SLC45A1: variants seen among roughly 807,000 people sequenced by gnomAD.
SLC45A1 encodes the protein solute carrier family 45 member 1, also known as proton-associated sugar transporter A.
In SLC45A1, 28 loss-of-function variants were observed where a neutral mutation model predicts 57.6. The ratio of observed to expected loss-of-function variants is 0.49; its 90% CI spans 0.36 to 0.67. The LOEUF (loss-of-function observed/expected upper bound fraction) is 0.67, where lower values mean the gene tolerates loss of function less well. Among genes scored for constraint, SLC45A1 ranks in the 30% least tolerant of loss-of-function variants. SLC45A1 has a pLI of 0.00. For missense variants in SLC45A1, 814 were observed against 1,041.5 expected (o/e 0.78, Z 3.01); for synonymous variants, 459 against 471.5 (o/e 0.97, Z 0.34).
chr1:8,327,655 A>G lies in SLC45A1; in HGVS notation c.715+1613A>G, dbSNP rs1640242599. Among the ~76,000 whole-genome samples the G allele has an allele frequency of 6.6e-6, 1 of 152,226 alleles. No individual in the cohort carries two copies. Among genetic ancestry groups the G allele is most frequent in the Non-Finnish European group, 1.5e-5 (1 of 68,048 alleles). ...ACCCCATCTCTAAAAACATAAGATT[A>G]AATAAATAAATAACTCTAGCTTGTC... On this transcript the variant is annotated intron_variant, in intron 4 of 8. Coordinates refer to ENST00000471889, the MANE Select transcript of SLC45A1 (RefSeq NM_001080397.3). The surrounding 1 kb of genome is among the most constrained non-coding windows in gnomAD (Gnocchi z 4.3).
intron 6 of SLC45A1, 101 bp from the exon 7 acceptor site, chr1:8,337,715 G>A: frequency 2.6e-6 from 3 of 1,164,056 alleles, no homozygotes; most frequent in Non-Finnish European, 3.7e-6. Flanking sequence ...ACCACGCCCA[G>A]CTGCTCATTA....
At chr1:8,322,183 A>G (rs865797928) in intron 1 of SLC45A1, among the ~76,000 whole-genome samples, 52 of 7,352 alleles carry the variant, frequency 7.1e-3, no homozygotes, top group East Asian at 0.037. Flanking sequence ...GGGTGGGTGG[A>G]TGGATGGATG....
chr1:8,341,908 T>A (rs1640830760), intron 8 of SLC45A1, among the ~76,000 whole-genome samples: 1 of 137,898 alleles, frequency 7.3e-6, no homozygotes. Flanking sequence ...TGACAGTGGC[T>A]ATGTAAATAA....
chr1:8,319,953 G>A (rs55919043), intron 1 of SLC45A1, among the ~76,000 whole-genome samples: 1 of 152,100 alleles, frequency 6.6e-6, no homozygotes, highest in Non-Finnish European at 1.5e-5. Context: ...CCTGAGCTCA[G>A]GTGATCCACC....
chr1:8,320,960 C>T (rs534710619), intron 1 of SLC45A1, among the ~76,000 whole-genome samples: 27 of 152,128 alleles, frequency 1.8e-4, no homozygotes, highest in South Asian at 6.2e-4. Context: ...GACCTTTGGG[C>T]GGAGTCCGAT....
chr1:8,320,997 G>C (rs1201345846), intron 1 of SLC45A1, among the ~76,000 whole-genome samples: 2 of 152,072 alleles, frequency 1.3e-5, no homozygotes, highest in Non-Finnish European at 2.9e-5. Flanking sequence ...CCTGTGCTGG[G>C]TCTCGCCTCT....
chr1:8,329,576 G>A (rs1311804254), intron 4 of SLC45A1, among the ~76,000 whole-genome samples: 1 of 152,242 alleles, frequency 6.6e-6, no homozygotes, highest in African/African-American at 2.4e-5. Flanking sequence ...ACAGTTTCCT[G>A]CCATGCTCTG....
At position 8,330,921 on chromosome 1, in the gene SLC45A1, G is replaced by T; in HGVS notation, c.1428G>T (p.Val476=). ...GGPETSRRRN[V]TFSQQVANIL... ...CCGAAACCAGCAGGAGAAGGAATGT[G>T]ACCTTCAGTCAGCAGGTAACAGCAA... Residue 476 remains valine, a synonymous_variant, in exon 5 of 9, where the codon GTG becomes GTT. Coordinates refer to ENST00000471889, the MANE Select transcript of SLC45A1 (RefSeq NM_001080397.3). The surrounding 1 kb of genome is among the most constrained non-coding windows in gnomAD (Gnocchi z 8.4). 3 of 1,592,648 alleles carry T rather than the reference G, an allele frequency of 1.9e-6. No individual in the cohort carries two copies. The highest frequency in any genetic ancestry group is 2.6e-6 in the Non-Finnish European group (3 of 1,165,614).
In SLC45A1 at chr1:8,325,275, AC is replaced by A; in HGVS notation, c.398-21del. 1 of 1,568,588 alleles carries A rather than the reference AC, an allele frequency of 6.4e-7. No homozygotes were observed. Among genetic ancestry groups the A allele is most frequent in the Non-Finnish European group, 8.8e-7 (1 of 1,140,034 alleles). The stretch of plus-strand genomic sequence containing the variant: ...ATGTGCCATGGGGACCCTGGCAATG[AC>A]CGCTGGCCTGCTCTGTTTCAGGATT... On this transcript the variant is annotated intron_variant, in intron 2 of 8. Coordinates refer to ENST00000471889, the MANE Select transcript of SLC45A1 (RefSeq NM_001080397.3). This position sits in a 1 kb window ranked among gnomAD's most constrained non-coding sequence, Gnocchi z 6.3.
rs1234130718 is a variant in SLC45A1 at position 8,335,071 on chromosome 1, C to T, written c.1444-366C>T. On this transcript the variant is annotated intron_variant, in intron 5 of 8. Coordinates refer to ENST00000471889, the MANE Select transcript of SLC45A1 (RefSeq NM_001080397.3). This position sits in a 1 kb window ranked among gnomAD's most constrained non-coding sequence, Gnocchi z 4.1. The stretch of plus-strand genomic sequence containing the variant: ...ATAAGTCGTTCCCAGTCTTCTTTTA[C>T]AAAAAAGAAAGGACTTCCTAGGCGT... 6.6e-6 allele frequency among the ~76,000 whole-genome samples: 1 copy of T among 152,108 alleles called. No individual in the cohort carries two copies. The highest frequency in any genetic ancestry group is 2.4e-5 in the African/African-American group (1 of 41,422).
At chr1:8,331,021 C>A in intron 5 of SLC45A1, 85 bp downstream of exon 5, 12 of 1,468,002 alleles carry the variant, frequency 8.2e-6, no homozygotes, top group East Asian at 2.3e-5. Flanking sequence ...GAGGGAGAGT[C>A]CCTCCAGGAA....
In SLC45A1 at chr1:8,328,043, TTAAAA is replaced by T. The variant is rs562677623; in HGVS notation, c.715+2014_715+2018del. The T allele has an allele frequency of 6.6e-6, 1 of 151,986 alleles. No individual in the cohort carries two copies. The highest frequency in any genetic ancestry group is 1.5e-5 in the Non-Finnish European group (1 of 68,024). The allele number at this position is 151,986 out of a possible 1,614,324, so 9.4% of individuals were successfully genotyped here. On this transcript the variant is annotated intron_variant, in intron 4 of 8. Transcript: ENST00000471889. This position sits in a 1 kb window ranked among gnomAD's most constrained non-coding sequence, Gnocchi z 4.6. ...GAGACTTCATCTCAAAATAAATAAA[TTAAAA>T]TAAAATAAAATAGCAATTGGCTGGG...
At position 8,334,312 on chromosome 1, in the gene SLC45A1, C is replaced by T. The variant is rs988023615; in HGVS notation, c.1444-1125C>T. On this transcript the variant is annotated intron_variant, in intron 5 of 8. Coordinates refer to ENST00000471889, the MANE Select transcript of SLC45A1 (RefSeq NM_001080397.3). ...CGCAGGCATGGGGGACGCGCTCTGC[C>T]GATGTGGGTGTCCTGGGAGCCGGCA... Among the ~76,000 whole-genome samples the T allele has an allele frequency of 5.3e-5, 8 of 152,234 alleles. No individual in the cohort carries two copies. The East Asian group carries it at 1.2e-3, about 22-fold the overall frequency.
rs200094048 is a variant in SLC45A1 at position 8,330,307 on chromosome 1, T to C, written c.814T>C (p.Phe272Leu). 197 of 1,613,606 alleles carry C rather than the reference T, an allele frequency of 1.2e-4. No individual in the cohort carries two copies. Among genetic ancestry groups the C allele is most frequent in the Middle Eastern group, 4.9e-4 (3 of 6,082 alleles). Residue 272 changes from phenylalanine to leucine, a missense_variant, in exon 5 of 9, where the codon TTC (phenylalanine) becomes CTC (leucine). Coordinates refer to ENST00000471889, the MANE Select transcript of SLC45A1 (RefSeq NM_001080397.3). The surrounding 1 kb of genome is among the most constrained non-coding windows in gnomAD (Gnocchi z 8.4). The stretch of plus-strand genomic sequence containing the variant: ...GGGACAGCTCCGAGTCATTTACCTC[T>C]TCACTGCGGTCACCCTGAGCGTCAC... ...LGGQLRVIYL[F>L]TAVTLSVTTV...
intron 5 of SLC45A1, among the ~76,000 whole-genome samples, chr1:8,333,631 C>T (rs1246164521): frequency 6.6e-6 from 1 of 150,974 alleles, no homozygotes; most frequent in Non-Finnish European, 1.5e-5. Flanking sequence ...AACGGGGCCT[C>T]ACTATGTGGC....
Position 8,343,643 on chromosome 1 carries a change from T to G in SLC45A1, c.1981-104T>G. On this transcript the variant is annotated intron_variant, in intron 8 of 8. Transcript: ENST00000471889. This position sits in a 1 kb window ranked among gnomAD's most constrained non-coding sequence, Gnocchi z 7.7. ...GGCGCTGAAAAATGTGAGGCCGCTG[T>G]GTGTGGGCCGCTCGGGCCTCCTGGG... 1 of 1,294,980 alleles carries G rather than the reference T, an allele frequency of 7.7e-7. No individual in the cohort carries two copies. Among genetic ancestry groups the G allele is most frequent in the Non-Finnish European group, 1.1e-6 (1 of 938,856 alleles). 80.2% of individuals were successfully genotyped at this position (1,294,980 alleles called of 1,614,324 possible).
Position 8,330,230 on chromosome 1 carries a change from A to C in SLC45A1, c.737A>C (p.Tyr246Ser). The C allele has an allele frequency of 6.2e-7, 1 of 1,613,748 alleles. No homozygotes were observed. The highest frequency in any genetic ancestry group is 8.5e-7 in the Non-Finnish European group (1 of 1,179,892). The change falls in exon 5 of 9, where the codon TAC becomes TCC. Residue 246 changes from tyrosine (Y) to serine (S), a missense_variant. Physicochemically the swap from Tyr to Ser is moderately radical, Grantham distance 144. Coordinates refer to ENST00000471889, the MANE Select transcript of SLC45A1 (RefSeq NM_001080397.3). This position sits in a 1 kb window ranked among gnomAD's most constrained non-coding sequence, Gnocchi z 8.4. ...CCAGGTCTCGGAGGAGGCTTTGGAT[A>C]CGTGGTCGGCGGAATCCACTGGGAT... Reference protein sequence around the residue: ...LLAGLGGGFGYVVGGIHWDKT... With the variant: ...LLAGLGGGFGSVVGGIHWDKT...
chr1:8,326,142 G>T lies in SLC45A1; in HGVS notation c.715+100G>T. On this transcript the variant is annotated intron_variant, in intron 4 of 8. Transcript: ENST00000471889. This position sits in a 1 kb window ranked among gnomAD's most constrained non-coding sequence, Gnocchi z 5.5. ...CCTCACTCCCTGATTTAACAAAGAA[G>T]CTGGGAGAATTCCAATACATGGAGA... The T allele has an allele frequency of 1.1e-6, 1 of 879,504 alleles. No individual in the cohort carries two copies. The highest frequency in any genetic ancestry group is 1.7e-6 in the Non-Finnish European group (1 of 571,962). The allele number at this position is 879,504 out of a possible 1,614,324, so 54.5% of individuals were successfully genotyped here.
chr1:8,343,339 C>T lies in SLC45A1; in HGVS notation c.1981-408C>T, dbSNP rs924937913. ...CCTCGGACAGAGGACCAGCGGCTGT[C>T]ATGTGCAGAGGACTTTGGGGGTGTA... On this transcript the variant is annotated intron_variant, in intron 8 of 8. Transcript: ENST00000471889. This position sits in a 1 kb window ranked among gnomAD's most constrained non-coding sequence, Gnocchi z 7.7. Among the ~76,000 whole-genome samples, 9 of 152,178 alleles carry T rather than the reference C, an allele frequency of 5.9e-5. No homozygotes were observed. The highest frequency in any genetic ancestry group is 4.6e-4 in the Admixed American group (7 of 15,280).
Sources: gnomAD v4.1 joint callset for allele counts (sites outside exome capture counted in the v4.1 genomes callset) on GRCh38, gnomAD v4.1.1 for gene constraint, Gnocchi (gnomAD v3.1) non-coding constraint, MANE v1.5 for transcripts, NCBI Gene and HGNC (gene_info 2026-07-23, HGNC 2026-07-21) for gene names.